ABTB3: variants seen among roughly 807,000 people sequenced by gnomAD.
ABTB3 encodes the protein ankyrin repeat and BTB domain containing 3, also known as ankyrin repeat- and BTB/POZ domain-containing protein 3.
At chr12:107,489,036 A>G in the ABTB3 span, among the ~76,000 whole-genome samples, 1 of 152,202 alleles carries the variant, frequency 6.6e-6, no homozygotes, top group African/African-American at 2.4e-5. Context: ...AGGCATCTCA[A>G]GCTCTCTTGT....
At chr12:107,648,380 C>CCACACA in the ABTB3 span, among the ~76,000 whole-genome samples, 17,713 of 140,074 alleles carry the variant, frequency 0.13, 1,384 homozygotes, top group South Asian at 0.23. Context: ...GACCCCATCT[C>CCACACA]CACACACACA....
At chr12:107,342,344 A>T in the ABTB3 span, among the ~76,000 whole-genome samples, 4 of 151,960 alleles carry the variant, frequency 2.6e-5, no homozygotes, top group African/African-American at 9.7e-5. Context: ...GGGAGAAGAG[A>T]GCTGAGGTGT....
chr12:107,419,685 G>C, the ABTB3 span, among the ~76,000 whole-genome samples: 1 of 152,150 alleles, frequency 6.6e-6, no homozygotes, highest in Non-Finnish European at 1.5e-5. Flanking sequence ...ATGGTTATTA[G>C]GATGGAATGA....
At chr12:107,346,928 T>C in the ABTB3 span, among the ~76,000 whole-genome samples, 1 of 152,306 alleles carries the variant, frequency 6.6e-6, no homozygotes, top group East Asian at 1.9e-4. Context: ...GGCTTCCTAG[T>C]ATTAGGCACA....
the ABTB3 span, among the ~76,000 whole-genome samples, chr12:107,415,918 C>T: frequency 2.6e-5 from 4 of 151,830 alleles, no homozygotes; most frequent in Admixed American, 1.3e-4. Context: ...AGCCCACACT[C>T]TGACAGTCTG....
chr12:107,637,391 C>CA, the ABTB3 span, among the ~76,000 whole-genome samples: 2 of 151,280 alleles, frequency 1.3e-5, no homozygotes, highest in African/African-American at 2.4e-5. Context: ...GACTCCATCT[C>CA]AAAAAATTTA....
At chr12:107,570,645 GT>G in the ABTB3 span, among the ~76,000 whole-genome samples, 2 of 150,436 alleles carry the variant, frequency 1.3e-5, no homozygotes, top group Non-Finnish European at 3.0e-5. Context: ...CATTCTTGAT[GT>G]TTTTTTCCAA....
At chr12:107,520,548 A>G in the ABTB3 span, 2 of 1,614,204 alleles carry the variant, frequency 1.2e-6, no homozygotes, top group Non-Finnish European at 1.7e-6. Flanking sequence ...CAAACAAGCC[A>G]GGGGAACTGC....
At chr12:107,571,103 A>T in the ABTB3 span, among the ~76,000 whole-genome samples, 3 of 152,238 alleles carry the variant, frequency 2.0e-5, no homozygotes, top group African/African-American at 7.2e-5. Context: ...CTAACATCAG[A>T]AAAATGCTCA....
chr12:107,485,108 A>T, the ABTB3 span, among the ~76,000 whole-genome samples: 1 of 152,156 alleles, frequency 6.6e-6, no homozygotes, highest in East Asian at 1.9e-4. Flanking sequence ...CCCATTTTAG[A>T]GATGAAGAAA....
chr12:107,471,786 G>C, the ABTB3 span, among the ~76,000 whole-genome samples: 2 of 152,234 alleles, frequency 1.3e-5, no homozygotes, highest in South Asian at 4.1e-4. Context: ...GGCTGAGTGG[G>C]CATTAACTCT....
At chr12:107,482,977 TTTCTTTCTTTCCTTCC>T in the ABTB3 span, among the ~76,000 whole-genome samples, 5,578 of 52,074 alleles carry the variant, frequency 0.11, 250 homozygotes, top group African/African-American at 0.12. Flanking sequence ...TCTTTCTTTC[TTTCTTTCTTTCCTTCC>T]TTCCTTCCTT....
At chr12:107,616,317 G>T in the ABTB3 span, among the ~76,000 whole-genome samples, 1 of 152,198 alleles carries the variant, frequency 6.6e-6, no homozygotes. Flanking sequence ...TGCCAAGTAG[G>T]TGGCTCCCCC....
the ABTB3 span, among the ~76,000 whole-genome samples, chr12:107,509,920 C>T: frequency 6.6e-6 from 1 of 152,218 alleles, no homozygotes; most frequent in Admixed American, 6.5e-5. Context: ...CAGAGACCTT[C>T]ACTTAGATTA....
chr12:107,419,033 A>C, the ABTB3 span, among the ~76,000 whole-genome samples: 1 of 152,186 alleles, frequency 6.6e-6, no homozygotes, highest in Non-Finnish European at 1.5e-5. Flanking sequence ...TTAATTAAGA[A>C]ACAAACACTT....
the ABTB3 span, among the ~76,000 whole-genome samples, chr12:107,525,057 G>A: frequency 6.6e-6 from 1 of 152,126 alleles, no homozygotes; most frequent in Non-Finnish European, 1.5e-5. Context: ...CAGGTGCAGT[G>A]ACTCACACCT....
At chr12:107,501,822 G>T in the ABTB3 span, among the ~76,000 whole-genome samples, 1 of 152,162 alleles carries the variant, frequency 6.6e-6, no homozygotes, top group Non-Finnish European at 1.5e-5. Flanking sequence ...GAAACACCAC[G>T]GAGCCCTGAA....
chr12:107,322,813 C>T, the ABTB3 span, among the ~76,000 whole-genome samples: 1 of 152,236 alleles, frequency 6.6e-6, no homozygotes, highest in African/African-American at 2.4e-5. Context: ...CTCTTAACTC[C>T]TGTCTGTATG....
the ABTB3 span, chr12:107,520,420 T>A: frequency 6.4e-7 from 1 of 1,565,532 alleles, no homozygotes; most frequent in Non-Finnish European, 8.7e-7. Flanking sequence ...TGTTGCACCC[T>A]TCCCTCGGTT....
Sources: gnomAD v4.1 joint callset for allele counts (sites outside exome capture counted in the v4.1 genomes callset) on GRCh38, gnomAD v4.1.1 for gene constraint, MANE v1.5 for transcripts, NCBI Gene and HGNC (gene_info 2026-07-23, HGNC 2026-07-21) for gene names.